STRN: variants seen among roughly 807,000 people sequenced by gnomAD.
STRN encodes protein phosphatase 2 regulatory subunit B'''alpha.
In STRN, 53 loss-of-function variants were observed where a neutral mutation model predicts 96.3. That is an observed-to-expected ratio of 0.55 (90% CI 0.44 to 0.69). STRN has a LOEUF of 0.69. Ranked by LOEUF, STRN falls within the 30% of genes least tolerant of loss-of-function variation. STRN has a pLI of 0.00. For missense variants in STRN, 987 were observed against 963.9 expected, an observed-to-expected ratio of 1.02 and a Z score of -0.32; for synonymous variants, 428 against 355.9, an observed-to-expected ratio of 1.20 and a Z score of -2.28.
At chr2:36,861,755 ACACACACAC>A (rs1362769464) in intron 12 of STRN, among the ~76,000 whole-genome samples, 1 of 148,604 alleles carries the variant, frequency 6.7e-6, no homozygotes, top group Non-Finnish European at 1.5e-5. Context: ...ACACACACAC[ACACACACAC>A]TTCTCACAAA....
intron 3 of STRN, among the ~76,000 whole-genome samples, chr2:36,909,180 CAGGTTAAA>C (rs1669902740): frequency 6.7e-6 from 1 of 148,236 alleles, no homozygotes; most frequent in Non-Finnish European, 1.5e-5. Flanking sequence ...AAAAAAAATT[CAGGTTAAA>C]AAAAGAAACC....
At chr2:36,961,531 T>C (rs911089140) in intron 1 of STRN, among the ~76,000 whole-genome samples, 2 of 152,202 alleles carry the variant, frequency 1.3e-5, no homozygotes, top group South Asian at 4.1e-4. Flanking sequence ...GTATTCAGAA[T>C]CCTGTATTTT....
At position 36,966,437 on chromosome 2, in the gene STRN, G is replaced by A. The variant is rs776112364; in HGVS notation, c.27C>T (p.Val9=). The change falls in exon 1 of 18, where the codon GTC becomes GTT. Residue 9 remains valine, a synonymous_variant. Coordinates refer to ENST00000263918, the MANE Select transcript of STRN (RefSeq NM_003162.4). ...CGCCCGGGTGGTTGTTGCTGAAGAA[G>A]ACGCCGGGACCCGCCTGCTCGTCCA... The part of the protein sequence containing the change: MDEQAGPG[V]FFSNNHPGAG... 3 of 1,466,152 alleles carry A rather than the reference G, an allele frequency of 2.0e-6. No individual in the cohort carries two copies. The highest frequency in any genetic ancestry group is 1.8e-6 in the Non-Finnish European group (2 of 1,110,576). 90.8% of individuals were successfully genotyped at this position (1,466,152 alleles called of 1,614,324 possible).
chr2:36,896,166 T>C (rs1462142250), intron 6 of STRN, among the ~76,000 whole-genome samples: 1 of 152,152 alleles, frequency 6.6e-6, no homozygotes, highest in Non-Finnish European at 1.5e-5. Flanking sequence ...ATAAGAAGCA[T>C]GTGGAACCTC....
intron 1 of STRN, among the ~76,000 whole-genome samples, chr2:36,941,096 A>T (rs140694695): frequency 3.3e-4 from 50 of 152,304 alleles, no homozygotes; most frequent in African/African-American, 1.1e-3. Context: ...CTGAGGCTGC[A>T]GTAACCAGTT....
chr2:36,853,359 A>T (rs1668266888), intron 15 of STRN, among the ~76,000 whole-genome samples: 1 of 152,214 alleles, frequency 6.6e-6, no homozygotes, highest in African/African-American at 2.4e-5. Context: ...CAAAAAAAGA[A>T]ATACTTTAAG....
intron 1 of STRN, among the ~76,000 whole-genome samples, chr2:36,956,036 G>C (rs989764348): frequency 6.6e-6 from 1 of 152,182 alleles, no homozygotes; most frequent in African/African-American, 2.4e-5. Flanking sequence ...GTGACATCAT[G>C]TCAGCACTCA....
At chr2:36,913,134 C>A (rs899703983) in intron 3 of STRN, among the ~76,000 whole-genome samples, 10 of 152,180 alleles carry the variant, frequency 6.6e-5, no homozygotes, top group African/African-American at 2.4e-4. Context: ...CCATCTCCAA[C>A]GTTGCTCCTC....
intron 1 of STRN, 95 bp downstream of exon 1, chr2:36,966,135 C>A (rs1227003885): frequency 7.2e-6 from 9 of 1,258,684 alleles, no homozygotes; most frequent in Non-Finnish European, 9.0e-6. Context: ...GGGGAGGGGA[C>A]GCGAGAAGGC....
chr2:36,871,697 C>A (rs961750630), intron 10 of STRN, among the ~76,000 whole-genome samples: 3 of 152,144 alleles, frequency 2.0e-5, no homozygotes, highest in Non-Finnish European at 4.4e-5. Context: ...TATGCATTAA[C>A]TCACTTAGTC....
intron 4 of STRN, among the ~76,000 whole-genome samples, chr2:36,905,295 T>C (rs755936682): frequency 2.0e-5 from 3 of 152,194 alleles, no homozygotes; most frequent in Non-Finnish European, 2.9e-5. Flanking sequence ...AAATGTTATA[T>C]ATTCATACAT....
At position 36,869,599 on chromosome 2, in the gene STRN, T is replaced by G; in HGVS notation, c.1454A>C (p.His485Pro). ...CTGTAAATTCCACATTTTTAATGTG[T>G]GATCCTCTGATGCTGTTATCAAAAC... ...EPVLITASED[H>P]TLKMWNLQKT... The change falls in exon 11 of 18, where the codon CAC (histidine) becomes CCC (proline). Residue 485 changes from histidine (H) to proline (P), a missense_variant. Coordinates refer to ENST00000263918, the MANE Select transcript of STRN (RefSeq NM_003162.4). 1 of 1,604,446 alleles carries G rather than the reference T, an allele frequency of 6.2e-7. No homozygotes were observed. Among genetic ancestry groups the G allele is most frequent in the Admixed American group, 1.7e-5 (1 of 58,776 alleles).
chr2:36,961,797 A>G (rs548055610), intron 1 of STRN, among the ~76,000 whole-genome samples: 2 of 152,162 alleles, frequency 1.3e-5, no homozygotes, highest in African/African-American at 2.4e-5. Flanking sequence ...CCTGTCTGAC[A>G]TGACTTCTTC....
intron 7 of STRN, among the ~76,000 whole-genome samples, chr2:36,888,229 G>A (rs1365237990): frequency 6.6e-6 from 1 of 152,122 alleles, no homozygotes; most frequent in Non-Finnish European, 1.5e-5. Flanking sequence ...TAGGATTACT[G>A]CAATAATTGT....
chr2:36,852,984 C>CT (rs1668257375), intron 15 of STRN, among the ~76,000 whole-genome samples: 1 of 152,118 alleles, frequency 6.6e-6, no homozygotes, highest in Non-Finnish European at 1.5e-5. Context: ...TGGTGAAACT[C>CT]TGTCTCTACG....
At chr2:36,953,749 T>C (rs1243598016) in intron 1 of STRN, among the ~76,000 whole-genome samples, 1 of 152,248 alleles carries the variant, frequency 6.6e-6, no homozygotes, top group Non-Finnish European at 1.5e-5. Flanking sequence ...GAAAGTGATC[T>C]TATTTTGTCA....
At chr2:36,902,774 G>C in intron 4 of STRN, 23 bp from the exon 5 acceptor site, 1 of 1,562,562 alleles carries the variant, frequency 6.4e-7, no homozygotes, top group African/African-American at 1.4e-5. Context: ...AATCCTTAGA[G>C]TTCAGTCATA....
chr2:36,863,076 C>T (rs1032152780), intron 12 of STRN, among the ~76,000 whole-genome samples: 3 of 152,112 alleles, frequency 2.0e-5, no homozygotes, highest in Non-Finnish European at 4.4e-5. Context: ...GATATTGGTC[C>T]TTTGTCAGAT....
In STRN at chr2:36,869,537, A is replaced by C; in HGVS notation, c.1499+17T>G. On this transcript the variant is annotated intron_variant, in intron 11 of 17. Coordinates refer to ENST00000263918, the MANE Select transcript of STRN (RefSeq NM_003162.4). ...TACTTAAAATATTCAAATAATGTTA[A>C]AGTAGAATATTCTCACTTTTTGGCT... 2 of 1,490,702 alleles carry C rather than the reference A, an allele frequency of 1.3e-6. No individual in the cohort carries two copies. Among genetic ancestry groups the C allele is most frequent in the Non-Finnish European group, 1.8e-6 (2 of 1,113,578 alleles). The allele number at this position is 1,490,702 out of a possible 1,614,324, so 92.3% of individuals were successfully genotyped here. A position where few individuals can be genotyped will look rare whatever the true frequency, so the allele number is the denominator to read the frequency against.
Sources: allele counts gnomAD v4.1 joint callset (sites outside exome capture counted in the v4.1 genomes callset), GRCh38; gene constraint gnomAD v4.1.1; transcripts MANE v1.5; gene names NCBI Gene and HGNC (gene_info 2026-07-23, HGNC 2026-07-21).